GRAMD1B: variants seen among roughly 807,000 people sequenced by gnomAD.
GRAMD1B encodes protein Aster-B.
A neutral mutation model predicts 99.7 loss-of-function variants in GRAMD1B; 37 were observed. The observed-to-expected ratio is 0.37, with a 90% CI of 0.29 to 0.49. The LOEUF (loss-of-function observed/expected upper bound fraction) is 0.49. Ranked by LOEUF, GRAMD1B falls within the 20% of genes least tolerant of loss-of-function variation. GRAMD1B has a pLI of 0.98. For missense variants in GRAMD1B, 888 were observed against 1,009.2 expected (o/e 0.88, Z 1.63); for synonymous variants, 427 against 387.6 (o/e 1.10, Z -1.19).
chr11:123,374,669 G>A (rs903248876), intron 1 of GRAMD1B, among the ~76,000 whole-genome samples: 2 of 152,196 alleles, frequency 1.3e-5, no homozygotes, highest in African/African-American at 2.4e-5. Flanking sequence ...AATAGACAGC[G>A]ACCCTCTGCT....
chr11:123,597,942 A>T, intron 7 of GRAMD1B: 1 of 1,101,296 alleles, frequency 9.1e-7, no homozygotes, highest in Non-Finnish European at 1.4e-6. Flanking sequence ...ATCCCTGAAC[A>T]CTAGAGCAGT....
intron 1 of GRAMD1B, among the ~76,000 whole-genome samples, chr11:123,409,426 C>G (rs1947963730): frequency 6.6e-6 from 1 of 152,194 alleles, no homozygotes; most frequent in African/African-American, 2.4e-5. Context: ...CTCATCTGAT[C>G]TCTAAAATGC....
At chr11:123,601,578 A>G (rs1011906509) in intron 8 of GRAMD1B, among the ~76,000 whole-genome samples, 1 of 151,994 alleles carries the variant, frequency 6.6e-6, no homozygotes, top group Non-Finnish European at 1.5e-5. Flanking sequence ...AAATATATAC[A>G]TATATTGGCC....
At chr11:123,446,399 C>T (rs868589784) in intron 1 of GRAMD1B, among the ~76,000 whole-genome samples, 1 of 152,098 alleles carries the variant, frequency 6.6e-6, no homozygotes, top group South Asian at 2.1e-4. Flanking sequence ...CTCCTGACCT[C>T]GAGTGATCCA....
At chr11:123,371,010 G>T (rs139495549) in intron 1 of GRAMD1B, among the ~76,000 whole-genome samples, 2,091 of 151,930 alleles carry the variant, frequency 0.014, 24 homozygotes, top group Middle Eastern at 0.027. Context: ...TAGAAGAAGA[G>T]ATTTAAGGGA....
intron 1 of GRAMD1B, among the ~76,000 whole-genome samples, chr11:123,362,127 G>A (rs1946166204): frequency 6.6e-6 from 1 of 152,230 alleles, no homozygotes; most frequent in Admixed American, 6.5e-5. Flanking sequence ...CAACAGCAAT[G>A]TTGTCTTCAG....
At chr11:123,393,812 A>T (rs1350236294) in intron 1 of GRAMD1B, among the ~76,000 whole-genome samples, 1 of 152,150 alleles carries the variant, frequency 6.6e-6, no homozygotes, top group Non-Finnish European at 1.5e-5. Context: ...GAACACCAGA[A>T]GGTGGGGTTT....
Position 123,510,951 on chromosome 11 carries a change from G to C in GRAMD1B, c.452+30058G>C, listed in dbSNP as rs57133971. Among the ~76,000 whole-genome samples, 2 of 152,022 alleles carry C rather than the reference G, an allele frequency of 1.3e-5. No homozygotes were observed. Among genetic ancestry groups the C allele is most frequent in the South Asian group, 4.2e-4 (2 of 4,816 alleles). ...AGTGGGTGGATGAGGGGTGCAGGGTGGGGGGTGGAGGTATCTGTAGCTTTC... is the reference window on the plus strand; with the variant it reads ...AGTGGGTGGATGAGGGGTGCAGGGTCGGGGGTGGAGGTATCTGTAGCTTTC... On this transcript the variant is annotated intron_variant, in intron 2 of 19. Transcript: ENST00000635736. The surrounding 1 kb of genome is among the most constrained non-coding windows in gnomAD (Gnocchi z 4.3).
intron 2 of GRAMD1B, among the ~76,000 whole-genome samples, chr11:123,511,035 C>T (rs556849328): frequency 2.0e-5 from 3 of 152,142 alleles, no homozygotes; most frequent in African/African-American, 7.2e-5. Flanking sequence ...TTTTGTTTCT[C>T]TTTATCCTGT....
intron 2 of GRAMD1B, among the ~76,000 whole-genome samples, chr11:123,491,423 G>C (rs566570692): frequency 1.3e-5 from 2 of 152,196 alleles, no homozygotes; most frequent in Non-Finnish European, 2.9e-5. Context: ...CATGGGGAGA[G>C]AGCCAAGTTG....
At chr11:123,384,880 A>G (rs963896057) in intron 1 of GRAMD1B, among the ~76,000 whole-genome samples, 3 of 152,202 alleles carry the variant, frequency 2.0e-5, no homozygotes, top group African/African-American at 4.8e-5. Context: ...CAGCTCTGCC[A>G]CTGTAAAGCA....
At position 123,455,845 on chromosome 11, in the gene GRAMD1B, C is replaced by G. The variant is rs149035880; in HGVS notation, c.374+24679C>G. On this transcript the variant is annotated intron_variant, in intron 1 of 19. Coordinates refer to ENST00000635736, the MANE Select transcript of GRAMD1B (RefSeq NM_001387025.1). ...CCCCATCTGTTTATTACTGTGTTCC[C>G]AGTGGTTAGAAAACAGCCTGGCATA... is the stretch of plus-strand genomic sequence containing the variant. 1.6e-3 allele frequency among the ~76,000 whole-genome samples: 242 copies of G among 152,142 alleles called. 7 individuals carry two copies. The highest frequency in any genetic ancestry group is 6.8e-3 in the East Asian group (35 of 5,178).
intron 2 of GRAMD1B, among the ~76,000 whole-genome samples, chr11:123,513,626 C>CTTTCTTTCTTTCTTTCTT: frequency 7.7e-6 from 1 of 129,434 alleles, no homozygotes; most frequent in South Asian, 2.5e-4. Context: ...TCCTTTCTTT[C>CTTTCTTTCTTTCTTTCTT]TTTCTTTCTT....
At chr11:123,403,359 G>A (rs888722150) in intron 1 of GRAMD1B, among the ~76,000 whole-genome samples, 34 of 151,178 alleles carry the variant, frequency 2.2e-4, no homozygotes, top group African/African-American at 8.0e-4. Context: ...CACAGGAGAT[G>A]GAGGTTGCAG....
intron 2 of GRAMD1B, among the ~76,000 whole-genome samples, chr11:123,545,284 A>AATCG (rs1357227888): frequency 6.6e-6 from 1 of 152,178 alleles, no homozygotes; most frequent in Non-Finnish European, 1.5e-5. Flanking sequence ...CCCACCCTAG[A>AATCG]ATCGCCTTAG....
Position 123,591,078 on chromosome 11 carries a change from C to G in GRAMD1B, c.685-3004C>G, listed in dbSNP as rs1366058290. 8 of 205,688 alleles carry G rather than the reference C, an allele frequency of 3.9e-5. No homozygotes were observed. In the East Asian group the frequency reaches 8.4e-4, roughly 21 times the overall value. 12.7% of individuals were successfully genotyped at this position (205,688 alleles called of 1,614,324 possible). On this transcript the variant is annotated intron_variant, in intron 4 of 19. Transcript: ENST00000635736. This position sits in a 1 kb window ranked among gnomAD's most constrained non-coding sequence, Gnocchi z 4.7. ...CACTGACCAGGTGGAGGTGCGTGACCACACCACCTCTGGGCTACTCTCTGC... is the reference window on the plus strand; with the variant it reads ...CACTGACCAGGTGGAGGTGCGTGACGACACCACCTCTGGGCTACTCTCTGC...
chr11:123,523,543 T>A (rs1255674925), intron 2 of GRAMD1B, among the ~76,000 whole-genome samples: 1 of 149,482 alleles, frequency 6.7e-6, no homozygotes, highest in African/African-American at 2.5e-5. Context: ...TTTTTGTAGT[T>A]AAAAAAAAAA....
At chr11:123,578,886 G>T (rs1017190882) in intron 3 of GRAMD1B, among the ~76,000 whole-genome samples, 1 of 152,172 alleles carries the variant, frequency 6.6e-6, no homozygotes, top group African/African-American at 2.4e-5. Context: ...TGACTGGGGG[G>T]CAGGGGTTCA....
At chr11:123,512,567 A>G (rs959593932) in intron 2 of GRAMD1B, among the ~76,000 whole-genome samples, 1 of 152,130 alleles carries the variant, frequency 6.6e-6, no homozygotes, top group Non-Finnish European at 1.5e-5. Context: ...AAAATGAAAA[A>G]TTAGCCAGGG....
Sources: gnomAD v4.1 joint callset for allele counts (sites outside exome capture counted in the v4.1 genomes callset) on GRCh38, gnomAD v4.1.1 for gene constraint, Gnocchi (gnomAD v3.1) non-coding constraint, MANE v1.5 for transcripts, NCBI Gene and HGNC (gene_info 2026-07-23, HGNC 2026-07-21) for gene names.